MBD5: variants seen among roughly 807,000 people sequenced by gnomAD.
The protein encoded by MBD5 is methyl-CpG binding domain protein 5.
A neutral mutation model predicts 117.3 loss-of-function variants in MBD5; 13 were observed. That is an observed-to-expected ratio of 0.11 (90% CI 0.07 to 0.18). MBD5 has a LOEUF of 0.18. Ranked by LOEUF, MBD5 falls within the 10% of genes least tolerant of loss-of-function variation. The pLI is 1.00. For synonymous variants in MBD5, 727 were observed against 766.4 expected, an observed-to-expected ratio of 0.95 and a Z score of 0.85; for missense variants, 1,879 against 2,093.8, an observed-to-expected ratio of 0.90 and a Z score of 2.00.
At chr2:148,290,549 A>T (rs1392513293) in intron 3 of MBD5, among the ~76,000 whole-genome samples, 2 of 152,108 alleles carry the variant, frequency 1.3e-5, no homozygotes, top group Non-Finnish European at 2.9e-5. Flanking sequence ...CCTTCTGTTG[A>T]CTTATCAATA....
chr2:148,470,482 A>G (rs1680759265), intron 8 of MBD5, 21 bp downstream of exon 8: 2 of 1,567,556 alleles, frequency 1.3e-6, no homozygotes, highest in African/African-American at 1.4e-5. Flanking sequence ...ATTAGAAAAA[A>G]GTACCCAAAG....
chr2:148,377,770 C>CT (rs1704031573), intron 4 of MBD5, among the ~76,000 whole-genome samples: 1 of 152,210 alleles, frequency 6.6e-6, no homozygotes, highest in Non-Finnish European at 1.5e-5. Flanking sequence ...GACAGACAGT[C>CT]TAAGTATTCT....
At chr2:148,079,046 A>T (rs1695577187) in intron 1 of MBD5, among the ~76,000 whole-genome samples, 2 of 152,190 alleles carry the variant, frequency 1.3e-5, no homozygotes, top group Admixed American at 6.5e-5. Context: ...GATCTTCTTG[A>T]TGCATAGCTT....
chr2:148,199,282 G>T (rs958369161), intron 2 of MBD5, among the ~76,000 whole-genome samples: 1 of 152,054 alleles, frequency 6.6e-6, no homozygotes, highest in Non-Finnish European at 1.5e-5. Flanking sequence ...CCCCAGTATT[G>T]TTTAACTGAA....
chr2:148,343,205 T>C (rs998327911), intron 4 of MBD5, among the ~76,000 whole-genome samples: 4 of 152,064 alleles, frequency 2.6e-5, no homozygotes, highest in African/African-American at 7.2e-5. Context: ...GATTATGGAA[T>C]CTTTACTATG....
At chr2:148,264,011 T>C (rs1025831173) in intron 3 of MBD5, among the ~76,000 whole-genome samples, 4 of 152,070 alleles carry the variant, frequency 2.6e-5, no homozygotes, top group Non-Finnish European at 4.4e-5. Context: ...CCTAGTGAGA[T>C]AGAGAGAGTT....
chr2:148,264,341 A>G (rs1700805836), intron 3 of MBD5: 1 of 117,656 alleles, frequency 8.5e-6, no homozygotes, highest in African/African-American at 2.6e-5. Flanking sequence ...AGAGGAAATA[A>G]TAATAATTTA....
chr2:148,049,200 T>C (rs1694625041), intron 1 of MBD5, among the ~76,000 whole-genome samples: 1 of 152,170 alleles, frequency 6.6e-6, no homozygotes. Flanking sequence ...AGCTGCCCAG[T>C]GATTGTACCC....
intron 1 of MBD5, among the ~76,000 whole-genome samples, chr2:148,067,268 G>A (rs1695227265): frequency 6.6e-6 from 1 of 152,134 alleles, no homozygotes; most frequent in African/African-American, 2.4e-5. Flanking sequence ...CTTTAAATGT[G>A]TCTACATCAA....
chr2:148,090,923 A>G (rs1204166227), intron 1 of MBD5, among the ~76,000 whole-genome samples: 1 of 152,184 alleles, frequency 6.6e-6, no homozygotes. Context: ...TTATATACCT[A>G]GAAAACTCTA....
rs556988363 is a variant in MBD5 at position 148,246,100 on chromosome 2, C to G, written c.-680+12705C>G. ...TGTTAATTGAGCATTTTTAAGTGCC[C>G]TATGCTACATATAGATTATAGTTAG... On this transcript the variant is annotated intron_variant, in intron 3 of 13. Coordinates refer to ENST00000642680, the MANE Select transcript of MBD5 (RefSeq NM_001378120.1). 2.0e-5 allele frequency among the ~76,000 whole-genome samples: 3 copies of G among 152,186 alleles called. 1 individual carries two copies. In the South Asian group the frequency reaches 6.2e-4, roughly 32 times the overall value.
chr2:148,216,853 A>T (rs771319495), intron 2 of MBD5, among the ~76,000 whole-genome samples: 3 of 152,198 alleles, frequency 2.0e-5, no homozygotes, highest in African/African-American at 4.8e-5. Flanking sequence ...CTGGAAAAGA[A>T]ACCCAGCTGC....
At chr2:148,226,711 T>A (rs371297544) in intron 2 of MBD5, among the ~76,000 whole-genome samples, 2 of 152,314 alleles carry the variant, frequency 1.3e-5, no homozygotes, top group East Asian at 1.9e-4. Context: ...ATGGTTGAAC[T>A]AGTTTACAGT....
intron 4 of MBD5, among the ~76,000 whole-genome samples, chr2:148,361,926 A>T (rs985479367): frequency 6.6e-6 from 1 of 152,298 alleles, no homozygotes; most frequent in African/African-American, 2.4e-5. Context: ...GACAGGAGAG[A>T]CTGTGCCATG....
intron 12 of MBD5, among the ~76,000 whole-genome samples, chr2:148,504,273 T>C (rs1453936520): frequency 2.0e-5 from 3 of 152,226 alleles, no homozygotes; most frequent in African/African-American, 7.2e-5. Context: ...TTTACCATAC[T>C]ATTGTCTAAG....
intron 4 of MBD5, among the ~76,000 whole-genome samples, chr2:148,436,636 T>A (rs1197839315): frequency 6.6e-6 from 1 of 152,032 alleles, no homozygotes; most frequent in Non-Finnish European, 1.5e-5. Flanking sequence ...CCTCCCAAAG[T>A]GCTGAGATTA....
chr2:148,424,670 T>A (rs894958214), intron 4 of MBD5, among the ~76,000 whole-genome samples: 1 of 152,046 alleles, frequency 6.6e-6, no homozygotes, highest in South Asian at 2.1e-4. Flanking sequence ...AGAACAGAAA[T>A]CATAACAAAC....
chr2:148,156,048 T>C (rs1193061734), intron 1 of MBD5, among the ~76,000 whole-genome samples: 2 of 152,198 alleles, frequency 1.3e-5, no homozygotes, highest in African/African-American at 4.8e-5. Context: ...AGATACAGCA[T>C]AGGGGAAAGT....
intron 4 of MBD5, among the ~76,000 whole-genome samples, chr2:148,448,134 T>G (rs992290652): frequency 1.4e-4 from 21 of 152,112 alleles, no homozygotes; most frequent in African/African-American, 4.8e-4. Context: ...ATGACGCCAT[T>G]AAACAACCAT....
Sources: allele counts gnomAD v4.1 joint callset (sites outside exome capture counted in the v4.1 genomes callset), GRCh38; gene constraint gnomAD v4.1.1; transcripts MANE v1.5; gene names NCBI Gene and HGNC (gene_info 2026-07-23, HGNC 2026-07-21).